LRCH4: variants seen among roughly 807,000 people sequenced by gnomAD.
LRCH4 encodes the protein leucine-rich repeat and calponin homology domain-containing protein 4.
In LRCH4, 56 loss-of-function variants were observed where a neutral mutation model predicts 81.2. The ratio of observed to expected loss-of-function variants is 0.69; its 90% CI spans 0.56 to 0.86. The LOEUF is 0.86. LRCH4 is among the 40% of genes least tolerant of loss of function. The pLI is 0.00. For missense variants in LRCH4, 895 were observed against 922.8 expected (o/e 0.97, Z 0.39); for synonymous variants, 442 against 409.7 (o/e 1.08, Z -0.95).
chr7:100,575,759 A>G lies in LRCH4; in HGVS notation c.1800T>C (p.Ala600=). Residue 600 remains alanine, a synonymous_variant, in exon 17 of 18, where the codon GCT becomes GCC. Transcript: ENST00000310300. This position sits in a 1 kb window ranked among gnomAD's most constrained non-coding sequence, Gnocchi z 5.3. ...CTAGAAAACTCTCCACATTCTTCCG[A>G]GCCTTGAGGGCACTGAGTTTTGGCT... ...PAVPKLSALK[A]RKNVESFLEA... is the part of the protein sequence containing the mutation. The G allele has an allele frequency of 1.2e-6, 2 of 1,611,524 alleles. No homozygotes were observed. Among genetic ancestry groups the G allele is most frequent in the Non-Finnish European group, 1.7e-6 (2 of 1,178,090 alleles).
rs559979113 is a variant in LRCH4 at position 100,582,723 on chromosome 7, G to T, written c.221-264C>A. ...ACTTGGGGGTTGGGGAATGTCAATG[G>T]AGGGCTATCCTGGAGAGCAGCTGGA... On this transcript the variant is annotated intron_variant, in intron 1 of 17. Transcript: ENST00000310300. This position sits in a 1 kb window ranked among gnomAD's most constrained non-coding sequence, Gnocchi z 5.0. Among the ~76,000 whole-genome samples, 1,184 of 152,364 alleles carry T rather than the reference G, an allele frequency of 7.8e-3. 17 individuals carry two copies. Among genetic ancestry groups the T allele is most frequent in the Middle Eastern group, 0.014 (4 of 294 alleles).
chr7:100,585,807 CG>C, intron 1 of LRCH4, 73 bp downstream of exon 1: 2 of 1,424,130 alleles, frequency 1.4e-6, no homozygotes, highest in Non-Finnish European at 1.8e-6. Flanking sequence ...GCCCGACTCC[CG>C]GGCCGGGCGG....
At chr7:100,584,151 G>T in intron 1 of LRCH4, 1 of 456,666 alleles carries the variant, frequency 2.2e-6, no homozygotes, top group Non-Finnish European at 4.4e-6. Context: ...GGGCAGCAAG[G>T]CACTGATGCT....
chr7:100,576,430 A>AT (rs1297254818), intron 14 of LRCH4, 107 bp from the exon 15 acceptor site: 169 of 756,008 alleles, frequency 2.2e-4, no homozygotes, highest in Non-Finnish European at 2.7e-4. Flanking sequence ...TGCTTGTGGG[A>AT]TTTTTTTTTA....
rs1373730438 is a variant in LRCH4 at position 100,583,172 on chromosome 7, G to A, written c.221-713C>T. On this transcript the variant is annotated intron_variant, in intron 1 of 17. Coordinates refer to ENST00000310300, the MANE Select transcript of LRCH4 (RefSeq NM_002319.5). The surrounding 1 kb of genome is among the most constrained non-coding windows in gnomAD (Gnocchi z 4.3). The stretch of plus-strand genomic sequence containing the variant: ...TCTGGGCTTCTCTGGCCCAGGGCAG[G>A]CATCCTTCCTACCCTCTGCTAGCCC... Among the ~76,000 whole-genome samples, 1 of 152,146 alleles carries A rather than the reference G, an allele frequency of 6.6e-6. No individual in the cohort carries two copies. Among genetic ancestry groups the A allele is most frequent in the Non-Finnish European group, 1.5e-5 (1 of 68,008 alleles).
At chr7:100,585,164 G>A in intron 1 of LRCH4, 1 of 198,372 alleles carries the variant, frequency 5.0e-6, no homozygotes, top group South Asian at 6.7e-5. Context: ...CCGGGGGAAA[G>A]CAGAAACTGA....
At chr7:100,585,023 A>T (rs1463673759) in intron 1 of LRCH4, 1 of 345,354 alleles carries the variant, frequency 2.9e-6, no homozygotes, top group Non-Finnish European at 5.7e-6. Context: ...ATCCACAGAC[A>T]CCAGGGTGGA....
Position 100,576,276 on chromosome 7 carries a change from C to A in LRCH4, c.1600G>T (p.Val534Phe), listed in dbSNP as rs893654209. The change falls in exon 15 of 18, where the codon GTT (valine) becomes TTT (phenylalanine). Residue 534 changes from valine (V) to phenylalanine (F), a missense_variant. Val to Phe is a conservative substitution (Grantham distance 50). This residue lies in a region of LRCH4 where 529 missense variants were observed against 504.9 expected (regional missense o/e 1.05). Coordinates refer to ENST00000310300, the MANE Select transcript of LRCH4 (RefSeq NM_002319.5). ...GTCATTAAGTCCTTCTCATCTGGAA[C>A]CTGGGGGTACCGCCGAGGTCTCAGG... ...SVLRPRRYPQ[V>F]PDEKDLMTQL... 6.2e-7 allele frequency: 1 copy of A among 1,614,156 alleles called. No individual in the cohort carries two copies. Among genetic ancestry groups the A allele is most frequent in the South Asian group, 1.1e-5 (1 of 91,084 alleles).
intron 15 of LRCH4, 109 bp from the exon 16 acceptor site, chr7:100,576,117 G>T: frequency 6.8e-7 from 1 of 1,475,444 alleles, no homozygotes; most frequent in Non-Finnish European, 9.2e-7. Context: ...GTCCCTTCCT[G>T]TCCTCAGGGG....
At position 100,582,153 on chromosome 7, in the gene LRCH4, G is replaced by A. The variant is rs1297227962; in HGVS notation, c.380C>T (p.Ser127Leu). ...TYLNLSRNQLSLLPPYICQLP... is the reference protein window; with the variant it reads ...TYLNLSRNQLLLLPPYICQLP... ...CTGGCAGATGTAGGGTGGCAGCAGC[G>A]ACAGCTGGTTTCGGCTGTGGAAGGG... The change falls in exon 3 of 18, where the codon TCG (serine) becomes TTG (leucine). Residue 127 changes from serine (S) to leucine (L), a missense_variant. Physicochemically the swap from Ser to Leu is moderately radical, Grantham distance 145. This residue lies in a region of LRCH4 where 360 missense variants were observed against 397.0 expected (regional missense o/e 0.91). Coordinates refer to ENST00000310300, the MANE Select transcript of LRCH4 (RefSeq NM_002319.5). This position sits in a 1 kb window ranked among gnomAD's most constrained non-coding sequence, Gnocchi z 5.0. 14 of 1,613,270 alleles carry A rather than the reference G, an allele frequency of 8.7e-6. No homozygotes were observed. The highest frequency in any genetic ancestry group is 5.3e-5 in the African/African-American group (4 of 74,886).
chr7:100,585,265 T>C (rs938017887), intron 1 of LRCH4: 1 of 163,294 alleles, frequency 6.1e-6, no homozygotes. Flanking sequence ...GATAAGCCGG[T>C]TGGGGATAAT....
intron 4 of LRCH4, chr7:100,581,539 C>A: frequency 2.2e-6 from 1 of 464,366 alleles, no homozygotes; most frequent in Non-Finnish European, 3.9e-6. Context: ...AGAGGGCTGT[C>A]TCTGCTCTCC....
intron 4 of LRCH4, chr7:100,580,611 A>C (rs1459039242): frequency 6.6e-6 from 1 of 152,072 alleles, no homozygotes; most frequent in African/African-American, 2.4e-5. Flanking sequence ...CACAACAGAC[A>C]TAAACACAAA....
At chr7:100,579,033 C>T in intron 4 of LRCH4, 1 of 534,244 alleles carries the variant, frequency 1.9e-6, no homozygotes, top group South Asian at 2.2e-5. Context: ...CCGGGAAGGC[C>T]CATCCGGACG....
At position 100,577,977 on chromosome 7, in the gene LRCH4, G is replaced by T; in HGVS notation, c.949-65C>A. 2 of 1,434,904 alleles carry T rather than the reference G, an allele frequency of 1.4e-6. No homozygotes were observed. Among genetic ancestry groups the T allele is most frequent in the African/African-American group, 1.4e-5 (1 of 70,922 alleles). The allele number at this position is 1,434,904 out of a possible 1,614,324, so 88.9% of individuals were successfully genotyped here. On this transcript the variant is annotated intron_variant, in intron 7 of 17. Coordinates refer to ENST00000310300, the MANE Select transcript of LRCH4 (RefSeq NM_002319.5). The surrounding 1 kb of genome is among the most constrained non-coding windows in gnomAD (Gnocchi z 6.7). ...TACATGGGGGCTCAGGACCTGGGGG[G>T]TCCTGTGTGGGACTAAGCTCAGGGT...
In LRCH4 at chr7:100,586,058, C is replaced by T. The variant is rs1416011438; in HGVS notation, c.43G>A (p.Glu15Lys). ...VAAPLAAGGEEAAATTSVPGS... is the reference protein window; with the variant it reads ...VAAPLAAGGEKAAATTSVPGS... ...GGCACGGAGGTCGTGGCTGCCGCCT[C>T]CTCACCCCCGGCGGCGAGTGGAGCC... The change falls in exon 1 of 18, where the codon GAG (glutamate) becomes AAG (lysine). Residue 15 changes from glutamate (E) to lysine (K), a missense_variant. Glu to Lys is a moderately conservative substitution (Grantham distance 56, BLOSUM62 1). Transcript: ENST00000310300. 10 of 1,571,998 alleles carry T rather than the reference C, an allele frequency of 6.4e-6. No individual in the cohort carries two copies. The highest frequency in any genetic ancestry group is 8.6e-6 in the Non-Finnish European group (10 of 1,160,438).
At position 100,583,164 on chromosome 7, in the gene LRCH4, C is replaced by T. The variant is rs1415536820; in HGVS notation, c.221-705G>A. ...CCCTCCCATCTGGGCTTCTCTGGCC[C>T]AGGGCAGGCATCCTTCCTACCCTCT... On this transcript the variant is annotated intron_variant, in intron 1 of 17. Transcript: ENST00000310300. This position sits in a 1 kb window ranked among gnomAD's most constrained non-coding sequence, Gnocchi z 4.3. Among the ~76,000 whole-genome samples the T allele has an allele frequency of 6.6e-6, 1 of 152,170 alleles. No homozygotes were observed. Among genetic ancestry groups the T allele is most frequent in the East Asian group, 1.9e-4 (1 of 5,182 alleles).
intron 1 of LRCH4, among the ~76,000 whole-genome samples, chr7:100,584,351 G>C (rs1303212956): frequency 6.6e-6 from 1 of 151,756 alleles, no homozygotes; most frequent in African/African-American, 2.4e-5. Context: ...TTCTTGGGAA[G>C]CTGGGATTTC....
chr7:100,575,924 T>G lies in LRCH4; in HGVS notation c.1723A>C (p.Asn575His), dbSNP rs774431576. ...GGCACGGAGCGCGGCCGTAGCTGGT[T>G]GGCCAGCTGGCACAGGATGACCCCA... ...ASGVILCQLA[N>H]QLRPRSVPFI... The change falls in exon 16 of 18, where the codon AAC becomes CAC. Residue 575 changes from asparagine to histidine, a missense_variant. By Grantham distance (68) the Asn-to-His change is moderately conservative (BLOSUM62 1). Transcript: ENST00000310300. This position sits in a 1 kb window ranked among gnomAD's most constrained non-coding sequence, Gnocchi z 5.3. 1 of 1,612,086 alleles carries G rather than the reference T, an allele frequency of 6.2e-7. No homozygotes were observed. The highest frequency in any genetic ancestry group is 1.1e-5 in the South Asian group (1 of 90,952).
Sources: allele counts gnomAD v4.1 joint callset (sites outside exome capture counted in the v4.1 genomes callset), GRCh38; gene constraint gnomAD v4.1.1; regional missense constraint gnomAD v4.1.1; non-coding constraint Gnocchi (gnomAD v3.1); transcripts MANE v1.5; gene names NCBI Gene and HGNC (gene_info 2026-07-23, HGNC 2026-07-21).